GNAZ: variants seen among roughly 807,000 people sequenced by gnomAD.
GNAZ encodes guanine nucleotide-binding protein G(z) subunit alpha.
GNAZ carries 3 observed loss-of-function variants against 25.4 expected under a neutral mutation model. The observed-to-expected ratio is 0.12, with a 90% CI of 0.05 to 0.30. The LOEUF (loss-of-function observed/expected upper bound fraction) is 0.30, where lower values mean the gene tolerates loss of function less well. Ranked by LOEUF, GNAZ falls within the 10% of genes least tolerant of loss-of-function variation. The probability of loss-of-function intolerance (pLI) is 1.00; values close to 1 mark genes in which losing one functional copy is unlikely to be tolerated. For synonymous variants in GNAZ, 211 were observed against 205.7 expected (o/e 1.03, Z -0.22); for missense variants, 241 against 501.8 (o/e 0.48, Z 4.97).
At chr22:23,082,210 TTTTG>T (rs1365366171) in intron 1 of GNAZ, among the ~76,000 whole-genome samples, 1 of 151,968 alleles carries the variant, frequency 6.6e-6, no homozygotes, top group East Asian at 1.9e-4. Flanking sequence ...CGTTGTGTTT[TTTTG>T]TTTTTGTTTG....
chr22:23,072,334 A>G (rs1601742945), intron 1 of GNAZ, among the ~76,000 whole-genome samples: 1 of 152,092 alleles, frequency 6.6e-6, no homozygotes, highest in South Asian at 2.1e-4. Context: ...CGGTGCTTGG[A>G]TAAAATATGC....
rs976908899 is a variant in GNAZ, at chr22:23,124,051, C to T, written c.*620C>T. ...GCCACTCACAGCTCTTTTTAAAAAA[C>T]AGCTTCAAAATATGCAGCAAAAACC... On this transcript the variant is annotated 3_prime_UTR_variant, in exon 3 of 3. Transcript: ENST00000615612. The T allele has an allele frequency of 2.6e-5, 6 of 229,298 alleles. No individual in the cohort carries two copies. In the East Asian group the frequency reaches 8.2e-4, roughly 31 times the overall value. 14.2% of individuals were successfully genotyped at this position (229,298 alleles called of 1,614,324 possible). A position where few individuals can be genotyped will look rare whatever the true frequency, so the allele number is the denominator to read the frequency against.
chr22:23,079,887 AG>A (rs2068626980), intron 1 of GNAZ, among the ~76,000 whole-genome samples: 1 of 152,194 alleles, frequency 6.6e-6, no homozygotes, highest in Non-Finnish European at 1.5e-5. Context: ...TCATGCCCCT[AG>A]GTCCCCAAGG....
chr22:23,123,161 C>A lies in GNAZ; in HGVS notation c.798C>A (p.Ile266=). ...ACTGGTTCATCAACACCTCACTCAT[C>A]CTCTTCCTGAACAAGAAGGACCTGC... The part of the protein sequence containing the change: ...NNNWFINTSL[I]LFLNKKDLLA... Residue 266 remains isoleucine (I), a synonymous_variant, in exon 3 of 3, where the codon ATC becomes ATA. Transcript: ENST00000615612. The A allele has an allele frequency of 6.2e-7, 1 of 1,613,896 alleles. No individual in the cohort carries two copies. The highest frequency in any genetic ancestry group is 8.5e-7 in the Non-Finnish European group (1 of 1,179,732).
In GNAZ at chr22:23,095,524, G is replaced by T; in HGVS notation, c.-172G>T. ...GCTGCACAGAGCGCCATGCCGGCTG[G>T]AGAAGAGGCGCTGGGGCAGGGGCTG... On this transcript the variant is annotated 5_prime_UTR_variant, in exon 2 of 3. Transcript: ENST00000615612. 1.5e-6 allele frequency: 1 copy of T among 688,986 alleles called. No homozygotes were observed. Among genetic ancestry groups the T allele is most frequent in the South Asian group, 2.0e-5 (1 of 50,322 alleles). The allele number at this position is 688,986 out of a possible 1,614,324, so 42.7% of individuals were successfully genotyped here. A position where few individuals can be genotyped will look rare whatever the true frequency, so the allele number is the denominator to read the frequency against.
chr22:23,094,066 G>T (rs983742595), intron 1 of GNAZ, among the ~76,000 whole-genome samples: 6 of 152,224 alleles, frequency 3.9e-5, no homozygotes, highest in African/African-American at 1.4e-4. Context: ...GGAGTTGAGG[G>T]TGGGGCCTTG....
Position 23,123,632 on chromosome 22 carries a change from C to A in GNAZ, c.*201C>A. 1 of 590,724 alleles carries A rather than the reference C, an allele frequency of 1.7e-6. No individual in the cohort carries two copies. Among genetic ancestry groups the A allele is most frequent in the Non-Finnish European group, 3.0e-6 (1 of 331,416 alleles). 36.6% of individuals were successfully genotyped at this position (590,724 alleles called of 1,614,324 possible). A position where few individuals can be genotyped will look rare whatever the true frequency, so the allele number is the denominator to read the frequency against. On this transcript the variant is annotated 3_prime_UTR_variant, in exon 3 of 3. Transcript: ENST00000615612. ...AGATTGCTAGGTAGATAGACACACA[C>A]ACATGCACACACACACATCTGGAGA...
At chr22:23,072,654 G>A (rs1026105233) in intron 1 of GNAZ, among the ~76,000 whole-genome samples, 2 of 152,240 alleles carry the variant, frequency 1.3e-5, no homozygotes, top group East Asian at 1.9e-4. Flanking sequence ...GCCTGCCCTC[G>A]TGGGGTGTGC....
At chr22:23,108,454 C>G (rs138998223) in intron 2 of GNAZ, among the ~76,000 whole-genome samples, 1 of 152,244 alleles carries the variant, frequency 6.6e-6, no homozygotes, top group African/African-American at 2.4e-5. Context: ...GCAAAGGCCT[C>G]GAGGTGACAG....
intron 2 of GNAZ, among the ~76,000 whole-genome samples, chr22:23,121,720 CTTTTTT>C (rs10598505): frequency 1.6e-5 from 2 of 123,182 alleles, no homozygotes; most frequent in Admixed American, 8.2e-5. Flanking sequence ...AGAAAAGTTC[CTTTTTT>C]TTTTTTTTTT....
intron 1 of GNAZ, among the ~76,000 whole-genome samples, chr22:23,089,987 C>T (rs890795455): frequency 1.3e-5 from 2 of 152,172 alleles, no homozygotes; most frequent in East Asian, 1.9e-4. Flanking sequence ...GAACCTGGTG[C>T]CTGGCCCTAT....
At chr22:23,090,531 C>T (rs1343026460) in intron 1 of GNAZ, among the ~76,000 whole-genome samples, 1 of 152,186 alleles carries the variant, frequency 6.6e-6, no homozygotes, top group Non-Finnish European at 1.5e-5. Flanking sequence ...TGGCTCCTGA[C>T]TCGCCCTTAA....
At chr22:23,090,778 A>G (rs1601781590) in intron 1 of GNAZ, among the ~76,000 whole-genome samples, 1 of 151,948 alleles carries the variant, frequency 6.6e-6, no homozygotes, top group East Asian at 1.9e-4. Flanking sequence ...CTGGAGCTCC[A>G]TTTCCACTGT....
Position 23,108,258 on chromosome 22 carries a change from G to A in GNAZ, c.723+11840G>A, listed in dbSNP as rs141324494. 3.3e-3 allele frequency among the ~76,000 whole-genome samples: 498 copies of A among 152,360 alleles called. 1 individual carries two copies. The highest frequency in any genetic ancestry group is 0.011 in the African/African-American group (469 of 41,580). ...CGTGCTGGGCAGAGCAGGGGAGAGC[G>A]GTCCCCAAGCAGACAGCACTGCTCA... On this transcript the variant is annotated intron_variant, in intron 2 of 2. Transcript: ENST00000615612.
At chr22:23,093,172 A>G (rs1002078413) in intron 1 of GNAZ, among the ~76,000 whole-genome samples, 4 of 152,232 alleles carry the variant, frequency 2.6e-5, no homozygotes, top group African/African-American at 7.2e-5. Context: ...TGGGAGGGTC[A>G]TCTCAAGGCT....
chr22:23,108,308 C>G (rs2069543982), intron 2 of GNAZ, among the ~76,000 whole-genome samples: 1 of 152,266 alleles, frequency 6.6e-6, no homozygotes, highest in Non-Finnish European at 1.5e-5. Flanking sequence ...GCAATGAGAA[C>G]AGGGGCCAAT....
At chr22:23,094,341 A>C (rs1313464464) in intron 1 of GNAZ, among the ~76,000 whole-genome samples, 1 of 151,870 alleles carries the variant, frequency 6.6e-6, no homozygotes, top group Non-Finnish European at 1.5e-5. Context: ...CACCCGGCAA[A>C]GTCACAGGGG....
Position 23,095,842 on chromosome 22 carries a change from C to T in GNAZ, c.147C>T (p.Ile49=), listed in dbSNP as rs1450405078. The change falls in exon 2 of 3, where the codon ATC becomes ATT. Residue 49 remains isoleucine, a synonymous_variant. Coordinates refer to ENST00000615612, the MANE Select transcript of GNAZ (RefSeq NM_002073.4). ...CCAGCAACTCAGGCAAGAGCACCAT[C>T]GTCAAACAGATGAAGATCATCCACA... is the stretch of plus-strand genomic sequence containing the variant. ...LGTSNSGKST[I]VKQMKIIHSG... The T allele has an allele frequency of 1.1e-5, 17 of 1,613,760 alleles. No homozygotes were observed. The highest frequency in any genetic ancestry group is 1.4e-5 in the Non-Finnish European group (17 of 1,180,012).
At chr22:23,076,472 A>AG (rs1460459448) in intron 1 of GNAZ, among the ~76,000 whole-genome samples, 1 of 152,078 alleles carries the variant, frequency 6.6e-6, no homozygotes, top group African/African-American at 2.4e-5. Flanking sequence ...TGCTCCTAAG[A>AG]GGTTGTACCT....
Sources: allele counts gnomAD v4.1 joint callset (sites outside exome capture counted in the v4.1 genomes callset), GRCh38; gene constraint gnomAD v4.1.1; transcripts MANE v1.5; gene names NCBI Gene and HGNC (gene_info 2026-07-23, HGNC 2026-07-21).